The following PPP6R2 variants were observed in gnomAD, a reference collection of about 807,000 sequenced individuals.
PPP6R2 encodes serine/threonine-protein phosphatase 6 regulatory subunit 2.
A neutral mutation model predicts 100.2 loss-of-function variants in PPP6R2; 62 were observed. The ratio of observed to expected loss-of-function variants is 0.62; its 90% CI spans 0.50 to 0.76. PPP6R2 has a LOEUF of 0.76. Ranked by LOEUF, PPP6R2 falls within the 30% of genes least tolerant of loss-of-function variation. PPP6R2 has a pLI of 0.00. For synonymous variants in PPP6R2, 525 were observed against 514.7 expected, an observed-to-expected ratio of 1.02 and a Z score of -0.27; for missense variants, 1,142 against 1,276.3, an observed-to-expected ratio of 0.89 and a Z score of 1.60.
chr22:50,386,161 G>A (rs949880038), intron 2 of PPP6R2, among the ~76,000 whole-genome samples: 4 of 146,900 alleles, frequency 2.7e-5, no homozygotes, highest in Non-Finnish European at 3.0e-5. Context: ...TGTTTTTTTT[G>A]AGATGGAGTC....
the PPP6R2 span, among the ~76,000 whole-genome samples, chr22:50,335,546 T>A: frequency 6.6e-6 from 1 of 151,286 alleles, no homozygotes; most frequent in Non-Finnish European, 1.5e-5. Context: ...GAAGTCTCAC[T>A]CTGTCGCCAG....
At chr22:50,348,933 T>G (rs1022377915) in intron 1 of PPP6R2, among the ~76,000 whole-genome samples, 2 of 152,112 alleles carry the variant, frequency 1.3e-5, no homozygotes, top group African/African-American at 4.8e-5. Context: ...GGCTCACGCC[T>G]GTAATCCCAG....
intron 1 of PPP6R2, among the ~76,000 whole-genome samples, chr22:50,369,411 G>A (rs1035067911): frequency 6.6e-6 from 1 of 152,016 alleles, no homozygotes; most frequent in Non-Finnish European, 1.5e-5. Flanking sequence ...CTGGGCTACT[G>A]GCACCACTTT....
At position 50,369,367 on chromosome 22, in the gene PPP6R2, A is replaced by G. The variant is rs569781261; in HGVS notation, c.-147-2653A>G. Reference sequence around the variant, plus strand: ...TGAAGTGTTAGGTATAAAAAGTATTACCTGTTTTAGAAGGTGGTAACACTG... The same window carrying G: ...TGAAGTGTTAGGTATAAAAAGTATTGCCTGTTTTAGAAGGTGGTAACACTG... On this transcript the variant is annotated intron_variant, in intron 1 of 23. Coordinates refer to ENST00000612753, the MANE Select transcript of PPP6R2 (RefSeq NM_001242898.2). Among the ~76,000 whole-genome samples, 4 of 152,216 alleles carry G rather than the reference A, an allele frequency of 2.6e-5. No homozygotes were observed. The South Asian group carries it at 6.2e-4, about 24-fold the overall frequency.
At chr22:50,399,075 G>A (rs950390965) in intron 3 of PPP6R2, among the ~76,000 whole-genome samples, 86 of 152,106 alleles carry the variant, frequency 5.7e-4, no homozygotes, top group Admixed American at 4.6e-4. Context: ...GTGAAACCCC[G>A]TCTGTACTAA....
Position 50,431,442 on chromosome 22 carries a change from A to G in PPP6R2, c.1335+60A>G. ...ACTGCGCCCCACTCAGACCGTGTCCATGTCAGCGCTGACGTGTGCCGGACC... is the reference window on the plus strand; with the variant it reads ...ACTGCGCCCCACTCAGACCGTGTCCGTGTCAGCGCTGACGTGTGCCGGACC... On this transcript the variant is annotated intron_variant, in intron 11 of 23. Coordinates refer to ENST00000612753, the MANE Select transcript of PPP6R2 (RefSeq NM_001242898.2). This position sits in a 1 kb window ranked among gnomAD's most constrained non-coding sequence, Gnocchi z 4.8. The G allele has an allele frequency of 6.8e-7, 1 of 1,474,496 alleles. No homozygotes were observed. The allele number at this position is 1,474,496 out of a possible 1,614,324, so 91.3% of individuals were successfully genotyped here. A position where few individuals can be genotyped will look rare whatever the true frequency, so the allele number is the denominator to read the frequency against.
intron 3 of PPP6R2, among the ~76,000 whole-genome samples, chr22:50,405,775 TG>T (rs1186231989): frequency 0.01 from 781 of 77,492 alleles, 4 homozygotes; most frequent in East Asian, 0.021. Flanking sequence ...TGGAGAGAGG[TG>T]AGAGGCCTGG....
chr22:50,357,373 C>T (rs1350825175), intron 1 of PPP6R2, among the ~76,000 whole-genome samples: 1 of 151,598 alleles, frequency 6.6e-6, no homozygotes, highest in East Asian at 1.9e-4. Flanking sequence ...CTTATTTTCT[C>T]TTTCTCTTTC....
chr22:50,350,633 C>G lies in PPP6R2; in HGVS notation c.-148+7083C>G, dbSNP rs201362882. 3.3e-5 allele frequency among the ~76,000 whole-genome samples: 5 copies of G among 151,886 alleles called. No individual in the cohort carries two copies. The South Asian group carries it at 6.3e-4, about 19-fold the overall frequency. On this transcript the variant is annotated intron_variant, in intron 1 of 23. Transcript: ENST00000612753. ...GGCCGAGACAGGCAGATCACGAGGT[C>G]AGGAGATCGAGACCATCCTGGCTAA...
At chr22:50,434,293 T>C (rs35231747) in intron 12 of PPP6R2, among the ~76,000 whole-genome samples, 26 of 31,406 alleles carry the variant, frequency 8.3e-4, no homozygotes, top group Non-Finnish European at 8.2e-4. Context: ...GGGGCATGGA[T>C]GCTGGGCAGG....
At chr22:50,350,844 CAA>C (rs532536985) in intron 1 of PPP6R2, among the ~76,000 whole-genome samples, 87 of 125,662 alleles carry the variant, frequency 6.9e-4, no homozygotes, top group African/African-American at 6.3e-4. Context: ...GACTCCGTCT[CAA>C]AAAAAAAAAA....
chr22:50,361,928 G>C (rs2047873863), intron 1 of PPP6R2, among the ~76,000 whole-genome samples: 2 of 152,178 alleles, frequency 1.3e-5, no homozygotes, highest in African/African-American at 4.8e-5. Context: ...TGGCAGTCAT[G>C]ACTGTTCTCT....
upstream of PPP6R2, among the ~76,000 whole-genome samples, chr22:50,339,326 T>C (rs982023733): frequency 4.8e-5 from 6 of 125,112 alleles, no homozygotes; most frequent in African/African-American, 1.6e-4. Context: ...GTGTAGTGTG[T>C]GTGGTGTGTG....
intron 1 of PPP6R2, among the ~76,000 whole-genome samples, chr22:50,364,125 G>C (rs2048306390): frequency 6.6e-6 from 1 of 152,004 alleles, no homozygotes; most frequent in African/African-American, 2.4e-5. Flanking sequence ...TCAAACTCCT[G>C]ACCTCAGGTG....
At position 50,352,129 on chromosome 22, in the gene PPP6R2, C is replaced by T. The variant is rs574706392; in HGVS notation, c.-148+8579C>T. Among the ~76,000 whole-genome samples the T allele has an allele frequency of 8.8e-3, 1,334 of 151,038 alleles. 11 individuals carry two copies. The highest frequency in any genetic ancestry group is 0.015 in the Non-Finnish European group (1,049 of 67,772). The stretch of plus-strand genomic sequence containing the variant: ...TAATTTTTGTATTTTTTAGTAGAGA[C>T]GGGGTTTCACCATGTTGGCCAGGCT... On this transcript the variant is annotated intron_variant, in intron 1 of 23. Coordinates refer to ENST00000612753, the MANE Select transcript of PPP6R2 (RefSeq NM_001242898.2).
rs1250244803 is a variant in PPP6R2 at position 50,443,871 on chromosome 22, G to T, written c.2585G>T (p.Gly862Val). ...ARTEEAVGRVGCADSRLLSPA... is the reference protein window; with the variant it reads ...ARTEEAVGRVVCADSRLLSPA... ...AGTCCATGTTTGCCACACAGGGTCG[G>T]GTGTGCTGACAGCCGGCTGTTAAGC... The change falls in exon 23 of 24, where the codon GGG becomes GTG. Residue 862 changes from glycine to valine, a missense_variant. Physicochemically the swap from Gly to Val is moderately radical, Grantham distance 109. Transcript: ENST00000612753. The T allele has an allele frequency of 6.3e-7, 1 of 1,579,296 alleles. No homozygotes were observed. Among genetic ancestry groups the T allele is most frequent in the Admixed American group, 1.8e-5 (1 of 56,556 alleles).
chr22:50,335,229 T>G, the PPP6R2 span, among the ~76,000 whole-genome samples: 4 of 147,782 alleles, frequency 2.7e-5, no homozygotes, highest in Admixed American at 2.0e-4. Context: ...TTTTTTTTTT[T>G]TTTTTTTTTT....
Position 50,369,268 on chromosome 22 carries a change from T to C in PPP6R2, c.-147-2752T>C, listed in dbSNP as rs192001279. Among the ~76,000 whole-genome samples, 298 of 150,770 alleles carry C rather than the reference T, an allele frequency of 2.0e-3. 2 individuals carry two copies. The highest frequency in any genetic ancestry group is 6.4e-3 in the African/African-American group (258 of 40,528). On this transcript the variant is annotated intron_variant, in intron 1 of 23. Transcript: ENST00000612753. Reference sequence around the variant, plus strand: ...AAAAAAAAGAAAACACATTTCTTTATTTTGAAAACTGTATAAAGTTTTAGA... The same window carrying C: ...AAAAAAAAGAAAACACATTTCTTTACTTTGAAAACTGTATAAAGTTTTAGA...
chr22:50,384,489 A>T (rs573822760), intron 2 of PPP6R2, among the ~76,000 whole-genome samples: 30 of 151,702 alleles, frequency 2.0e-4, no homozygotes, highest in African/African-American at 7.2e-4. Context: ...TGGGAGGTGG[A>T]GGTTGCAGTG....
Sources: gnomAD v4.1 joint callset for allele counts (sites outside exome capture counted in the v4.1 genomes callset) on GRCh38, gnomAD v4.1.1 for gene constraint, Gnocchi (gnomAD v3.1) non-coding constraint, MANE v1.5 for transcripts, NCBI Gene and HGNC (gene_info 2026-07-23, HGNC 2026-07-21) for gene names.